The following VAT1L variants were observed in gnomAD, a reference collection of about 807,000 sequenced individuals.
VAT1L encodes vesicle amine transport 1 like.
In VAT1L, 34 loss-of-function variants were observed where a neutral mutation model predicts 44.1. The observed-to-expected ratio is 0.77, with a 90% CI of 0.59 to 1.03. VAT1L has a LOEUF of 1.03. Ranked by LOEUF, VAT1L falls within the 50% of genes least tolerant of loss-of-function variation. The pLI, the probability that VAT1L is intolerant of heterozygous loss-of-function variation, is 0.00. For missense variants in VAT1L, 615 were observed against 538.8 expected, an observed-to-expected ratio of 1.14 and a Z score of -1.40; for synonymous variants, 253 against 202.2, an observed-to-expected ratio of 1.25 and a Z score of -2.13.
At chr16:77,816,791 A>G (rs926235205) in intron 1 of VAT1L, 130 bp from the exon 2 acceptor site, 2 of 1,252,076 alleles carry the variant, frequency 1.6e-6, no homozygotes, top group Admixed American at 3.1e-5. Flanking sequence ...AAAAGAAAAA[A>G]AAAAGACAGG....
intron 1 of VAT1L, among the ~76,000 whole-genome samples, chr16:77,811,001 A>G (rs1401805711): frequency 6.6e-6 from 1 of 152,226 alleles, no homozygotes; most frequent in Non-Finnish European, 1.5e-5. Context: ...TGAACTAATG[A>G]CAGAACAAGA....
intron 7 of VAT1L, among the ~76,000 whole-genome samples, chr16:77,943,130 C>T (rs1160712796): frequency 6.6e-6 from 1 of 151,428 alleles, no homozygotes; most frequent in African/African-American, 2.4e-5. Flanking sequence ...TATCTCTGCT[C>T]AGTGCAACCT....
chr16:77,868,086 G>C (rs2016994138), intron 4 of VAT1L, among the ~76,000 whole-genome samples: 1 of 152,114 alleles, frequency 6.6e-6, no homozygotes. Flanking sequence ...TCATAGCTTA[G>C]CTTAGCCTAC....
At chr16:77,907,394 G>A (rs575760263) in intron 7 of VAT1L, among the ~76,000 whole-genome samples, 2 of 152,258 alleles carry the variant, frequency 1.3e-5, no homozygotes, top group South Asian at 4.1e-4. Flanking sequence ...CAAGATAACT[G>A]GGGAAAATCT....
At chr16:77,881,726 C>T (rs1189244637) in intron 6 of VAT1L, among the ~76,000 whole-genome samples, 2 of 152,188 alleles carry the variant, frequency 1.3e-5, no homozygotes, top group Non-Finnish European at 1.5e-5. Flanking sequence ...ACTACAGAAC[C>T]GACAGGAGGA....
chr16:77,892,589 A>G, intron 7 of VAT1L: 1 of 644,146 alleles, frequency 1.6e-6, no homozygotes. Context: ...TCACAGAATT[A>G]TTCCAGGGTT....
At chr16:77,792,655 A>G (rs1402257328) in intron 1 of VAT1L, among the ~76,000 whole-genome samples, 1 of 152,136 alleles carries the variant, frequency 6.6e-6, no homozygotes, top group Non-Finnish European at 1.5e-5. Context: ...AGGGAAAGGG[A>G]TGACTCTGAG....
intron 4 of VAT1L, among the ~76,000 whole-genome samples, chr16:77,864,243 T>A (rs919415752): frequency 6.6e-6 from 1 of 152,186 alleles, no homozygotes; most frequent in South Asian, 2.1e-4. Flanking sequence ...GCATTCTCAT[T>A]TTCCAACACA....
At chr16:77,865,462 G>C (rs1371265722) in intron 4 of VAT1L, among the ~76,000 whole-genome samples, 2 of 152,190 alleles carry the variant, frequency 1.3e-5, no homozygotes, top group African/African-American at 2.4e-5. Flanking sequence ...GCCAGAGCCA[G>C]AGATCCAGCA....
Position 77,978,672 on chromosome 16 carries a change from T to G in VAT1L, c.*977T>G, listed in dbSNP as rs760173293. 7 of 152,230 alleles carry G rather than the reference T, an allele frequency of 4.6e-5. No homozygotes were observed. Among genetic ancestry groups the G allele is most frequent in the Non-Finnish European group, 8.8e-5 (6 of 68,050 alleles). 9.4% of individuals were successfully genotyped at this position (152,230 alleles called of 1,614,324 possible). A position where few individuals can be genotyped will look rare whatever the true frequency, so the allele number is the denominator to read the frequency against. Reference sequence around the variant, plus strand: ...TTCCTTGCCAAAGCATGTCCCAACATGTAACAAACTCTAGGGATACAAAAG... The same window carrying G: ...TTCCTTGCCAAAGCATGTCCCAACAGGTAACAAACTCTAGGGATACAAAAG... On this transcript the variant is annotated 3_prime_UTR_variant, in exon 9 of 9. Coordinates refer to ENST00000302536, the MANE Select transcript of VAT1L (RefSeq NM_020927.3).
intron 7 of VAT1L, among the ~76,000 whole-genome samples, chr16:77,913,822 G>A (rs1412764482): frequency 6.6e-6 from 1 of 152,144 alleles, no homozygotes; most frequent in African/African-American, 2.4e-5. Context: ...ATAGAATTAG[G>A]ACATAAAAAT....
intron 7 of VAT1L, among the ~76,000 whole-genome samples, chr16:77,946,466 T>C (rs1445243411): frequency 6.6e-6 from 1 of 151,342 alleles, no homozygotes; most frequent in Admixed American, 6.6e-5. Flanking sequence ...GTATTTTAAG[T>C]AGAGACAAGG....
chr16:77,825,210 G>A (rs763771405), intron 2 of VAT1L, 36 bp from the exon 3 acceptor site: 1 of 1,608,420 alleles, frequency 6.2e-7, no homozygotes. Context: ...CTGTCATGAG[G>A]TAGCCTCCAC....
chr16:77,954,453 G>T (rs1484303316), intron 7 of VAT1L, among the ~76,000 whole-genome samples: 2 of 152,006 alleles, frequency 1.3e-5, no homozygotes, highest in Non-Finnish European at 2.9e-5. Context: ...GGTGAAACCC[G>T]GTCTCTACTA....
chr16:77,876,250 C>T, intron 4 of VAT1L, 120 bp from the exon 5 acceptor site: 1 of 828,370 alleles, frequency 1.2e-6, no homozygotes, highest in South Asian at 1.5e-5. Flanking sequence ...TATTGCTACT[C>T]CTGGAGCTTT....
intron 7 of VAT1L, among the ~76,000 whole-genome samples, chr16:77,970,694 T>TACACAA (rs1372759159): frequency 6.6e-6 from 1 of 152,186 alleles, no homozygotes; most frequent in Non-Finnish European, 1.5e-5. Context: ...GTAATAAGTT[T>TACACAA]TTTTCCCCAT....
At chr16:77,936,936 G>A (rs1485996748) in intron 7 of VAT1L, among the ~76,000 whole-genome samples, 1 of 152,148 alleles carries the variant, frequency 6.6e-6, no homozygotes. Flanking sequence ...CCAGGCTGGA[G>A]TGCAATGGCA....
intron 7 of VAT1L, among the ~76,000 whole-genome samples, chr16:77,949,901 C>T (rs563970761): frequency 6.6e-6 from 1 of 152,214 alleles, no homozygotes; most frequent in East Asian, 1.9e-4. Context: ...GTGGCTCTTC[C>T]TAGACAGTTG....
At chr16:77,803,916 C>G (rs560012620) in intron 1 of VAT1L, among the ~76,000 whole-genome samples, 1 of 152,242 alleles carries the variant, frequency 6.6e-6, no homozygotes, top group South Asian at 2.1e-4. Flanking sequence ...GGGGCACGCC[C>G]ATTCAGTGAT....
Sources: gnomAD v4.1 joint callset for allele counts (sites outside exome capture counted in the v4.1 genomes callset) on GRCh38, gnomAD v4.1.1 for gene constraint, MANE v1.5 for transcripts, NCBI Gene and HGNC (gene_info 2026-07-23, HGNC 2026-07-21) for gene names.